Variants in FOXRED1 observed in about 807,000 individuals in gnomAD.
FOXRED1 encodes FAD dependent oxidoreductase domain containing 1, also known as FAD-dependent oxidoreductase domain-containing protein 1.
A neutral mutation model predicts 57.8 loss-of-function variants in FOXRED1; 52 were observed. The ratio of observed to expected loss-of-function variants is 0.90; its 90% CI spans 0.72 to 1.13. The LOEUF is 1.13. Among genes scored for constraint, FOXRED1 ranks in the 50% most tolerant of loss-of-function variants. The probability of loss-of-function intolerance (pLI) is 0.00; values close to 1 mark genes in which losing one functional copy is unlikely to be tolerated. For synonymous variants in FOXRED1, 271 were observed against 248.3 expected (o/e 1.09, Z -0.86); for missense variants, 589 against 625.2 (o/e 0.94, Z 0.62).
At position 126,271,855 on chromosome 11, in the gene FOXRED1, G is replaced by A. The variant is rs1459811813; in HGVS notation, c.306+198G>A. The A allele has an allele frequency of 3.3e-6, 2 of 605,440 alleles. No individual in the cohort carries two copies. Among genetic ancestry groups the A allele is most frequent in the African/African-American group, 1.8e-5 (1 of 54,406 alleles). 37.5% of individuals were successfully genotyped at this position (605,440 alleles called of 1,614,324 possible). A position where few individuals can be genotyped will look rare whatever the true frequency, so the allele number is the denominator to read the frequency against. Reference sequence around the variant, plus strand: ...GTCGAACCAGGAAGCTTGGCAATAAGGTTTGTTCTTTTGAAAGCAGATATC... The same window carrying A: ...GTCGAACCAGGAAGCTTGGCAATAAAGTTTGTTCTTTTGAAAGCAGATATC... On this transcript the variant is annotated intron_variant, in intron 2 of 10. Coordinates refer to ENST00000263578, the MANE Select transcript of FOXRED1 (RefSeq NM_017547.4). The surrounding 1 kb of genome is among the most constrained non-coding windows in gnomAD (Gnocchi z 5.3).
At chr11:126,276,884 A>AG (rs1301805134) in intron 9 of FOXRED1, 187 bp from the exon 10 acceptor site, 1 of 595,604 alleles carries the variant, frequency 1.7e-6, no homozygotes, top group East Asian at 3.0e-5. Flanking sequence ...CTCAAAAAAA[A>AG]AAAAAAGAAA....
In FOXRED1 at chr11:126,271,910, C is replaced by T; in HGVS notation, c.306+253C>T. ...TATTGGATTTTTCGAGATCTCATAG[C>T]TCTGGTCATGAGAGCCTGCATTCAA... On this transcript the variant is annotated intron_variant, in intron 2 of 10. Transcript: ENST00000263578. This position sits in a 1 kb window ranked among gnomAD's most constrained non-coding sequence, Gnocchi z 5.3. 2 of 486,884 alleles carry T rather than the reference C, an allele frequency of 4.1e-6. No homozygotes were observed. The allele number at this position is 486,884 out of a possible 1,614,324, so 30.2% of individuals were successfully genotyped here.
intron 9 of FOXRED1, chr11:126,276,812 G>A (rs1040196641): frequency 2.0e-6 from 1 of 490,944 alleles, no homozygotes; most frequent in Admixed American, 3.2e-5. Flanking sequence ...GGAGGCTGAG[G>A]TTGCAGTGAG....
In FOXRED1 at chr11:126,276,075, G is replaced by A; in HGVS notation, c.827G>A (p.Ser276Asn). 6.2e-7 allele frequency: 1 copy of A among 1,612,842 alleles called. No homozygotes were observed. Residue 276 changes from serine to asparagine, a missense_variant, in exon 8 of 11, where the codon AGC (serine) becomes AAC (asparagine). Physicochemically the swap from Ser to Asn is conservative, Grantham distance 46. Transcript: ENST00000263578. ...IHEVHVKMDR[S>N]LEYQPVECAI... ...TGTCTGCAGGTGAAGATGGACCGCA[G>A]CCTGGAGTACCAGCCTGTGGAATGC... is the stretch of plus-strand genomic sequence containing the variant.
In FOXRED1 at chr11:126,271,949, G is replaced by T; in HGVS notation, c.306+292G>T. The T allele has an allele frequency of 1.1e-5, 4 of 366,858 alleles. No homozygotes were observed. The highest frequency in any genetic ancestry group is 5.1e-5 in the South Asian group (2 of 39,464). 22.7% of individuals were successfully genotyped at this position (366,858 alleles called of 1,614,324 possible). ...GCCTGCATTCAAGCTATAATTAAGTGTCTCAATTTTCTCTTTTTTTTTTTT... is the reference window on the plus strand; with the variant it reads ...GCCTGCATTCAAGCTATAATTAAGTTTCTCAATTTTCTCTTTTTTTTTTTT... On this transcript the variant is annotated intron_variant, in intron 2 of 10. Coordinates refer to ENST00000263578, the MANE Select transcript of FOXRED1 (RefSeq NM_017547.4). The surrounding 1 kb of genome is among the most constrained non-coding windows in gnomAD (Gnocchi z 5.3).
rs776842603 is a variant in FOXRED1 at position 126,269,416 on chromosome 11, G to T, written c.85+125G>T. ...ACAGTGGGTCGGCTTGGGGAAGGGG[G>T]TTAGCTTACCTACCAGAGCTTGTAG... On this transcript the variant is annotated intron_variant, in intron 1 of 10. Coordinates refer to ENST00000263578, the MANE Select transcript of FOXRED1 (RefSeq NM_017547.4). The T allele has an allele frequency of 2.5e-6, 4 of 1,570,344 alleles. No homozygotes were observed. The Admixed American group carries it at 7.5e-5, about 30-fold the overall frequency.
chr11:126,269,244 G>A lies in FOXRED1; in HGVS notation c.38G>A (p.Gly13Asp), dbSNP rs564589681. Residue 13 changes from glycine to aspartate, a missense_variant, in exon 1 of 11, where the codon GGC becomes GAC. By Grantham distance (94) the Gly-to-Asp change is moderately conservative (BLOSUM62 -1). Transcript: ENST00000263578. ...RRVLPHGMGR[G>D]LLTRRPGTRR... ...GTTCTGCCGCACGGCATGGGCCGGG[G>A]CCTCTTGACCCGGAGGCCAGGCACG... 2 of 1,614,172 alleles carry A rather than the reference G, an allele frequency of 1.2e-6. No individual in the cohort carries two copies. The highest frequency in any genetic ancestry group is 8.5e-7 in the Non-Finnish European group (1 of 1,180,004).
intron 9 of FOXRED1, 159 bp from the exon 10 acceptor site, chr11:126,276,912 G>T: frequency 7.7e-6 from 5 of 645,666 alleles, no homozygotes; most frequent in East Asian, 2.8e-5. Flanking sequence ...AGCCTTTTTT[G>T]GGGGGCTGTG....
chr11:126,269,199 G>A lies in FOXRED1; in HGVS notation c.-8G>A. On this transcript the variant is annotated 5_prime_UTR_variant, in exon 1 of 11. Transcript: ENST00000263578. ...GCAGCTTTCAGAGGGTCCGGGCTCA[G>A]AGGGGTTATGATTCGGAGGGTTCTG... 1 of 1,609,094 alleles carries A rather than the reference G, an allele frequency of 6.2e-7. No individual in the cohort carries two copies. Among genetic ancestry groups the A allele is most frequent in the Non-Finnish European group, 8.5e-7 (1 of 1,175,962 alleles).
Position 126,273,139 on chromosome 11 carries a change from G to T in FOXRED1, c.417+60G>T. The T allele has an allele frequency of 9.3e-7, 1 of 1,077,444 alleles. No individual in the cohort carries two copies. Among genetic ancestry groups the T allele is most frequent in the South Asian group, 1.2e-5 (1 of 80,582 alleles). 66.7% of individuals were successfully genotyped at this position (1,077,444 alleles called of 1,614,324 possible). On this transcript the variant is annotated intron_variant, in intron 3 of 10. Coordinates refer to ENST00000263578, the MANE Select transcript of FOXRED1 (RefSeq NM_017547.4). The surrounding 1 kb of genome is among the most constrained non-coding windows in gnomAD (Gnocchi z 5.9). ...TACCCCTCCTTTAGCCCAGAGTGGG[G>T]AGCAGCCCAGCTAGCAAGGTAGCCA...
chr11:126,269,516 TAC>T, intron 1 of FOXRED1: 1 of 767,388 alleles, frequency 1.3e-6, no homozygotes. Flanking sequence ...CATTTAAGCT[TAC>T]AGTCAGACTG....
Position 126,274,444 on chromosome 11 carries a change from T to A in FOXRED1, c.537-483T>A. ...CAGATGGAACACCTGAGGTCAGGAGTTCGAGACCAGCCTGGCCAACTGGTG... is the reference window on the plus strand; with the variant it reads ...CAGATGGAACACCTGAGGTCAGGAGATCGAGACCAGCCTGGCCAACTGGTG... On this transcript the variant is annotated intron_variant, in intron 4 of 10. Transcript: ENST00000263578. This position sits in a 1 kb window ranked among gnomAD's most constrained non-coding sequence, Gnocchi z 4.8. 1 of 201,866 alleles carries A rather than the reference T, an allele frequency of 5.0e-6. No individual in the cohort carries two copies. Among genetic ancestry groups the A allele is most frequent in the Non-Finnish European group, 1.0e-5 (1 of 96,872 alleles). The allele number at this position is 201,866 out of a possible 1,614,324, so 12.5% of individuals were successfully genotyped here. A position where few individuals can be genotyped will look rare whatever the true frequency, so the allele number is the denominator to read the frequency against.
Position 126,273,530 on chromosome 11 carries a change from G to C in FOXRED1, c.536+76G>C. On this transcript the variant is annotated intron_variant, in intron 4 of 10. Coordinates refer to ENST00000263578, the MANE Select transcript of FOXRED1 (RefSeq NM_017547.4). The surrounding 1 kb of genome is among the most constrained non-coding windows in gnomAD (Gnocchi z 5.9). Reference sequence around the variant, plus strand: ...TGACTCCTGCACCAGGTTAGGAAGCGAGAAAGTGGAGTTGATAAGACAGAT... The same window carrying C: ...TGACTCCTGCACCAGGTTAGGAAGCCAGAAAGTGGAGTTGATAAGACAGAT... 1 of 948,916 alleles carries C rather than the reference G, an allele frequency of 1.1e-6. No homozygotes were observed. Among genetic ancestry groups the C allele is most frequent in the East Asian group, 2.4e-5 (1 of 41,926 alleles). 58.8% of individuals were successfully genotyped at this position (948,916 alleles called of 1,614,324 possible). A position where few individuals can be genotyped will look rare whatever the true frequency, so the allele number is the denominator to read the frequency against.
rs1951115272 is a variant in FOXRED1 at position 126,275,870 on chromosome 11, T to C, written c.810T>C (p.His270=). The C allele has an allele frequency of 6.2e-7, 1 of 1,604,688 alleles. No individual in the cohort carries two copies. The highest frequency in any genetic ancestry group is 2.2e-5 in the East Asian group (1 of 44,824). Residue 270 remains histidine (H), a splice_region_variant and synonymous_variant, in exon 7 of 11, where the codon CAT becomes CAC. Coordinates refer to ENST00000263578, the MANE Select transcript of FOXRED1 (RefSeq NM_017547.4). This position sits in a 1 kb window ranked among gnomAD's most constrained non-coding sequence, Gnocchi z 5.9. ...AVVLKRIHEV[H]VKMDRSLEYQ... ...TCTTGAAAAGGATCCATGAAGTCCATGTAAGTTTCTAGTCTGTGATGTCCT... is the reference window on the plus strand; with the variant it reads ...TCTTGAAAAGGATCCATGAAGTCCACGTAAGTTTCTAGTCTGTGATGTCCT...
chr11:126,276,500 C>T lies in FOXRED1; in HGVS notation c.1078C>T (p.Leu360=). ...FRREGLGSNY[L]GGRSPTEQEE... is the part of the protein sequence containing the mutation. ...CCGGGAAGGATTAGGTAGCAACTAC[C>T]TAGGTGGTCGTAGCCCCACTGAGGT... is the stretch of plus-strand genomic sequence containing the variant. Residue 360 remains leucine (L), a synonymous_variant, in exon 9 of 11, where the codon CTA becomes TTA. Coordinates refer to ENST00000263578, the MANE Select transcript of FOXRED1 (RefSeq NM_017547.4). 6.2e-7 allele frequency: 1 copy of T among 1,608,166 alleles called. No individual in the cohort carries two copies. The highest frequency in any genetic ancestry group is 8.5e-7 in the Non-Finnish European group (1 of 1,177,158).
In FOXRED1 at chr11:126,272,993, T is replaced by C; in HGVS notation, c.331T>C (p.Ser111Pro). The stretch of plus-strand genomic sequence containing the variant: ...GTATTCACAGGCCTCCACTGGGCTC[T>C]CAGTAGGTGGGATTTGTCAGCAGTT... ...HTYSQASTGL[S>P]VGGICQQFSL... The change falls in exon 3 of 11, where the codon TCA becomes CCA. Residue 111 changes from serine to proline, a missense_variant. Transcript: ENST00000263578. The surrounding 1 kb of genome is among the most constrained non-coding windows in gnomAD (Gnocchi z 4.6). 6.3e-7 allele frequency: 1 copy of C among 1,599,540 alleles called. No homozygotes were observed. Among genetic ancestry groups the C allele is most frequent in the South Asian group, 1.1e-5 (1 of 90,840 alleles).
chr11:126,276,958 T>C, intron 9 of FOXRED1, 113 bp from the exon 10 acceptor site: 6 of 770,256 alleles, frequency 7.8e-6, no homozygotes, highest in South Asian at 6.9e-5. Context: ...CCCTCCAGAT[T>C]TGAACTGGGA....
chr11:126,275,939 T>G lies in FOXRED1; in HGVS notation c.810+69T>G. 1 of 1,548,448 alleles carries G rather than the reference T, an allele frequency of 6.5e-7. No homozygotes were observed. The highest frequency in any genetic ancestry group is 1.1e-5 in the South Asian group (1 of 89,666). ...AGGGAAGGTAGTGACTCTCCTTGTT[T>G]TGGTTTTCTTTGACCCACTTTCCAG... is the stretch of plus-strand genomic sequence containing the variant. On this transcript the variant is annotated intron_variant, in intron 7 of 10. Transcript: ENST00000263578. This position sits in a 1 kb window ranked among gnomAD's most constrained non-coding sequence, Gnocchi z 5.9.
At position 126,271,852 on chromosome 11, in the gene FOXRED1, T is replaced by C. The variant is rs1298882973; in HGVS notation, c.306+195T>C. 10 of 614,642 alleles carry C rather than the reference T, an allele frequency of 1.6e-5. No individual in the cohort carries two copies. Among genetic ancestry groups the C allele is most frequent in the Non-Finnish European group, 2.9e-5 (10 of 339,168 alleles). The allele number at this position is 614,642 out of a possible 1,614,324, so 38.1% of individuals were successfully genotyped here. A position where few individuals can be genotyped will look rare whatever the true frequency, so the allele number is the denominator to read the frequency against. Reference sequence around the variant, plus strand: ...TCAGTCGAACCAGGAAGCTTGGCAATAAGGTTTGTTCTTTTGAAAGCAGAT... The same window carrying C: ...TCAGTCGAACCAGGAAGCTTGGCAACAAGGTTTGTTCTTTTGAAAGCAGAT... On this transcript the variant is annotated intron_variant, in intron 2 of 10. Transcript: ENST00000263578. This position sits in a 1 kb window ranked among gnomAD's most constrained non-coding sequence, Gnocchi z 5.3.
Sources: gnomAD v4.1 joint callset for allele counts on GRCh38, gnomAD v4.1.1 for gene constraint, Gnocchi (gnomAD v3.1) non-coding constraint, MANE v1.5 for transcripts, NCBI Gene and HGNC (gene_info 2026-07-23, HGNC 2026-07-21) for gene names.